Variants in UBE2E3 observed in about 807,000 individuals in gnomAD.
UBE2E3 encodes the protein ubiquitin-conjugating enzyme E2 E3.
A neutral mutation model predicts 23.6 loss-of-function variants in UBE2E3; 5 were observed. The ratio of observed to expected loss-of-function variants is 0.21; its 90% confidence interval spans 0.11 to 0.44. The LOEUF (loss-of-function observed/expected upper bound fraction) is 0.44, where lower values mean the gene tolerates loss of function less well. UBE2E3 is among the 20% of genes least tolerant of loss of function. The pLI is 0.99. For missense variants in UBE2E3, 81 were observed against 249.8 expected (o/e 0.32, Z 4.55); for synonymous variants, 78 against 87.5 (o/e 0.89, Z 0.60).
intron 3 of UBE2E3, among the ~76,000 whole-genome samples, chr2:180,997,615 C>T (rs1269088422): frequency 6.6e-6 from 1 of 152,092 alleles, no homozygotes; most frequent in African/African-American, 2.4e-5. Context: ...CCTTAGAATC[C>T]TAGTGGTTGT....
chr2:181,000,686 C>T lies in UBE2E3; in HGVS notation c.245+16593C>T, dbSNP rs1315705050. On this transcript the variant is annotated intron_variant, in intron 3 of 5. Coordinates refer to ENST00000410062, the MANE Select transcript of UBE2E3 (RefSeq NM_006357.4). ...TCTCCTGCCTCAGCCTCCTGAGTAGCTGGGACTACAGGCGCCCACCACCAC... is the reference window on the plus strand; with the variant it reads ...TCTCCTGCCTCAGCCTCCTGAGTAGTTGGGACTACAGGCGCCCACCACCAC... 4.0e-5 allele frequency among the ~76,000 whole-genome samples: 6 copies of T among 151,884 alleles called. No homozygotes were observed. The East Asian group carries it at 1.2e-3, about 29-fold the overall frequency.
chr2:181,059,568 C>T (rs2368189), intron 4 of UBE2E3, among the ~76,000 whole-genome samples: 1 of 151,374 alleles, frequency 6.6e-6, no homozygotes, highest in African/African-American at 2.4e-5. Flanking sequence ...ACATGTAATC[C>T]GTGTAAGAGT....
intron 3 of UBE2E3, among the ~76,000 whole-genome samples, chr2:181,048,908 G>T (rs934483952): frequency 3.9e-5 from 6 of 151,992 alleles, no homozygotes; most frequent in African/African-American, 1.4e-4. Context: ...AATTTGTTCT[G>T]CATCCTAAGG....
At chr2:181,058,015 CAG>C (rs534841633) in intron 4 of UBE2E3, among the ~76,000 whole-genome samples, 190 bp downstream of exon 4, 4 of 151,614 alleles carry the variant, frequency 2.6e-5, no homozygotes, top group South Asian at 2.1e-4. Context: ...TTGTAATAAA[CAG>C]AAAGAGTTTA....
intron 3 of UBE2E3, among the ~76,000 whole-genome samples, chr2:180,992,258 C>T (rs955161933): frequency 8.6e-5 from 13 of 151,826 alleles, no homozygotes; most frequent in African/African-American, 2.7e-4. Context: ...TTCAAATACT[C>T]TTTTAATCAT....
intron 3 of UBE2E3, among the ~76,000 whole-genome samples, chr2:181,055,571 C>T (rs531737193): frequency 3.8e-4 from 58 of 151,860 alleles, no homozygotes; most frequent in African/African-American, 1.3e-3. Context: ...TTCACTTGTC[C>T]TAAACTAGGT....
chr2:181,047,166 C>G (rs1304546575), intron 3 of UBE2E3, among the ~76,000 whole-genome samples: 1 of 152,114 alleles, frequency 6.6e-6, no homozygotes, highest in Non-Finnish European at 1.5e-5. Flanking sequence ...CAGCTTCTTT[C>G]CATATCTCTT....
intron 3 of UBE2E3, among the ~76,000 whole-genome samples, chr2:181,006,749 A>G (rs561742730): frequency 6.6e-6 from 1 of 152,302 alleles, no homozygotes; most frequent in South Asian, 2.1e-4. Context: ...CTTTCATCAT[A>G]AAGCAACCCA....
intron 3 of UBE2E3, among the ~76,000 whole-genome samples, chr2:181,044,566 A>T (rs1574215659): frequency 6.6e-6 from 1 of 152,148 alleles, no homozygotes; most frequent in Non-Finnish European, 1.5e-5. Flanking sequence ...CCTAAGGAAG[A>T]TTCAGTTTTA....
At chr2:181,057,960 T>C in intron 4 of UBE2E3, 135 bp downstream of exon 4, 1 of 892,386 alleles carries the variant, frequency 1.1e-6, no homozygotes, top group Non-Finnish European at 1.6e-6. Flanking sequence ...AATTTTCGCA[T>C]AATCAAGAAT....
In UBE2E3 at chr2:181,060,394, G is replaced by A. The variant is rs139121486; in HGVS notation, c.379-271G>A. ...GCTGTGGATGTGTATGCAAACAGAC[G>A]TACCCACACACATAGATGGAATTAC... On this transcript the variant is annotated intron_variant, in intron 4 of 5. Coordinates refer to ENST00000410062, the MANE Select transcript of UBE2E3 (RefSeq NM_006357.4). 6.6e-3 allele frequency among the ~76,000 whole-genome samples: 1,009 copies of A among 151,730 alleles called. 14 individuals are homozygous for A. The highest frequency in any genetic ancestry group is 0.02 in the Middle Eastern group (6 of 294).
chr2:181,004,416 C>T (rs1006991589), intron 3 of UBE2E3, among the ~76,000 whole-genome samples: 10 of 152,086 alleles, frequency 6.6e-5, no homozygotes, highest in African/African-American at 1.9e-4. Flanking sequence ...GGGCAGATCA[C>T]GAGGTCAAGA....
intron 3 of UBE2E3, among the ~76,000 whole-genome samples, chr2:181,016,157 C>T: frequency 6.6e-6 from 1 of 151,952 alleles, no homozygotes; most frequent in Non-Finnish European, 1.5e-5. Context: ...TGAATTTTAA[C>T]CCTGAATCTG....
At chr2:181,001,083 A>G (rs879533424) in intron 3 of UBE2E3, among the ~76,000 whole-genome samples, 4 of 152,224 alleles carry the variant, frequency 2.6e-5, no homozygotes, top group African/African-American at 9.6e-5. Flanking sequence ...ATTGGAAACA[A>G]CTTGGGACAA....
At chr2:181,030,758 T>C (rs2105645812) in intron 3 of UBE2E3, among the ~76,000 whole-genome samples, 1 of 152,234 alleles carries the variant, frequency 6.6e-6, no homozygotes, top group African/African-American at 2.4e-5. Context: ...CTATATTGTA[T>C]AACCAGTATT....
Position 181,025,696 on chromosome 2 carries a change from ATCT to A in UBE2E3, c.246-31993_246-31991del, listed in dbSNP as rs549696204. ...TGAATCATATCATTGGCTATTAATAATCTTCTACAGTCACATCTACATATATTA... is the reference window on the plus strand; with the variant it reads ...TGAATCATATCATTGGCTATTAATAATCTACAGTCACATCTACATATATTA... On this transcript the variant is annotated intron_variant, in intron 3 of 5. Coordinates refer to ENST00000410062, the MANE Select transcript of UBE2E3 (RefSeq NM_006357.4). Among the ~76,000 whole-genome samples, 706 of 152,060 alleles carry A rather than the reference ATCT, an allele frequency of 4.6e-3. 6 individuals carry two copies. The highest frequency in any genetic ancestry group is 0.016 in the African/African-American group (663 of 41,550).
rs1391512572 is a variant in UBE2E3, at chr2:181,038,622, A to G, written c.246-19071A>G. Among the ~76,000 whole-genome samples the G allele has an allele frequency of 5.9e-5, 9 of 152,232 alleles. No homozygotes were observed. In the South Asian group the frequency reaches 8.3e-4, roughly 14 times the overall value. ...TAATTGGCAGGTGGAACTTAAAGTA[A>G]AAGACACTGTTGAGAAGATGAAAAG... On this transcript the variant is annotated intron_variant, in intron 3 of 5. Transcript: ENST00000410062.
chr2:181,018,898 G>A (rs1194038916), intron 3 of UBE2E3, among the ~76,000 whole-genome samples: 1 of 152,012 alleles, frequency 6.6e-6, no homozygotes, highest in Non-Finnish European at 1.5e-5. Context: ...TAGGTTCCAT[G>A]CTCTCAGATT....
Position 180,985,022 on chromosome 2 carries a change from A to G in UBE2E3, c.245+929A>G, listed in dbSNP as rs551094635. On this transcript the variant is annotated intron_variant, in intron 3 of 5. Coordinates refer to ENST00000410062, the MANE Select transcript of UBE2E3 (RefSeq NM_006357.4). ...TTCATGTTTAACCTGTATTTTTGCT[A>G]CAAGTTGTATTCACTTGGGATGATC... 1.3e-4 allele frequency among the ~76,000 whole-genome samples: 20 copies of G among 152,236 alleles called. No individual in the cohort carries two copies. The East Asian group carries it at 1.9e-3, about 15-fold the overall frequency.
Sources: allele counts gnomAD v4.1 joint callset (sites outside exome capture counted in the v4.1 genomes callset), GRCh38; gene constraint gnomAD v4.1.1; transcripts MANE v1.5; gene names NCBI Gene and HGNC (gene_info 2026-07-23, HGNC 2026-07-21).